Variants in ISM1 observed in about 807,000 individuals in gnomAD.
ISM1 encodes isthmin-1.
A neutral mutation model predicts 46.3 loss-of-function variants in ISM1; 25 were observed. The ratio of observed to expected loss-of-function variants is 0.54; its 90% CI spans 0.39 to 0.75. ISM1 has a LOEUF of 0.75. Among genes scored for constraint, ISM1 ranks in the 30% least tolerant of loss-of-function variants. The pLI is 0.00. For synonymous variants in ISM1, 255 were observed against 256.7 expected (o/e 0.99, Z 0.06); for missense variants, 536 against 625.4 (o/e 0.86, Z 1.52).
intron 1 of ISM1, among the ~76,000 whole-genome samples, chr20:13,230,751 A>G (rs1482957594): frequency 2.0e-5 from 3 of 152,012 alleles, no homozygotes; most frequent in African/African-American, 7.2e-5. Context: ...TTGTAGAAAA[A>G]AAAAGAAAAG....
the ISM1 span, among the ~76,000 whole-genome samples, chr20:13,311,098 GTGGGAGAATCACTT>G: frequency 9.2e-5 from 14 of 152,124 alleles, no homozygotes; most frequent in Non-Finnish European, 1.6e-4. Context: ...GGAGGCTGAG[GTGGGAGAATCACTT>G]GAACCCGGGA....
intron 3 of ISM1, among the ~76,000 whole-genome samples, chr20:13,284,700 G>C (rs2040272704): frequency 6.6e-6 from 1 of 152,220 alleles, no homozygotes; most frequent in Admixed American, 6.5e-5. Flanking sequence ...GAAAGCTTCA[G>C]GGGAGTGAGC....
At chr20:13,318,241 A>C in the ISM1 span, among the ~76,000 whole-genome samples, 61 of 152,316 alleles carry the variant, frequency 4.0e-4, no homozygotes, top group African/African-American at 1.3e-3. Context: ...AAGATATTTC[A>C]CATCATATGT....
Position 13,279,758 on chromosome 20 carries a change from T to C in ISM1, c.503T>C (p.Leu168Ser), listed in dbSNP as rs1460306752. 1.2e-6 allele frequency: 2 copies of C among 1,613,900 alleles called. No individual in the cohort carries two copies. Among genetic ancestry groups the C allele is most frequent in the Admixed American group, 3.3e-5 (2 of 60,004 alleles). Residue 168 changes from leucine to serine, a missense_variant, in exon 3 of 6, where the codon TTG becomes TCG. Leu to Ser is a moderately radical substitution (Grantham distance 145, BLOSUM62 -2). Transcript: ENST00000262487. Reference sequence around the variant, plus strand: ...GCCTGGTGGCAGAGGTCCCTGTCCTTGGCCAGGGCAAACAGCGGGGACCAG... The same window carrying C: ...GCCTGGTGGCAGAGGTCCCTGTCCTCGGCCAGGGCAAACAGCGGGGACCAG... The part of the protein sequence containing the change: ...WRAWWQRSLS[L>S]ARANSGDQDY...
chr20:13,247,559 TA>T (rs2039813969), intron 1 of ISM1, among the ~76,000 whole-genome samples: 1 of 140,872 alleles, frequency 7.1e-6, no homozygotes, highest in Middle Eastern at 3.7e-3. Context: ...TGTGTGTGTG[TA>T]GGTAGGTAGG....
chr20:13,296,686 C>T (rs1205212566), intron 5 of ISM1, among the ~76,000 whole-genome samples: 1 of 152,048 alleles, frequency 6.6e-6, no homozygotes, highest in Non-Finnish European at 1.5e-5. Context: ...AGTCCAGGGA[C>T]CTGGGTGAAG....
chr20:13,288,193 G>C (rs1811353038), intron 3 of ISM1, among the ~76,000 whole-genome samples: 2 of 152,208 alleles, frequency 1.3e-5, no homozygotes, highest in African/African-American at 4.8e-5. Context: ...ATGTCAATGA[G>C]AGGCTATAAG....
In ISM1 at chr20:13,299,224, A is replaced by ACGG. The variant is rs2123339300; in HGVS notation, c.1163_1165dup (p.Gly388dup). 2 of 1,600,866 alleles carry ACGG rather than the reference A, an allele frequency of 1.2e-6. No individual in the cohort carries two copies. The highest frequency in any genetic ancestry group is 4.5e-5 in the East Asian group (2 of 44,104). On this transcript the variant is annotated inframe_insertion, in exon 6 of 6. Transcript: ENST00000262487. This position sits in a 1 kb window ranked among gnomAD's most constrained non-coding sequence, Gnocchi z 5.8. ...ACGCTGGCGGCACAGCACTGCTGCT[A>ACGG]CGGCGACAACATGCAGCTCATCACC...
chr20:13,295,870 C>A (rs1224145416), intron 5 of ISM1, among the ~76,000 whole-genome samples: 7 of 152,210 alleles, frequency 4.6e-5, no homozygotes, highest in Admixed American at 1.3e-4. Flanking sequence ...AAGGTGCAAC[C>A]TGGAGGCTGC....
chr20:13,287,687 ATG>A (rs2040309045), intron 3 of ISM1, among the ~76,000 whole-genome samples: 2 of 152,146 alleles, frequency 1.3e-5, no homozygotes, highest in Non-Finnish European at 2.9e-5. Flanking sequence ...AGTGTATCTC[ATG>A]TACCAAGAAT....
At chr20:13,268,006 G>T (rs1324207105) in intron 1 of ISM1, among the ~76,000 whole-genome samples, 1 of 152,178 alleles carries the variant, frequency 6.6e-6, no homozygotes, top group Non-Finnish European at 1.5e-5. Context: ...TAGGGTTGGA[G>T]ATTAAGGGAA....
At chr20:13,224,794 A>T (rs1182124623) in intron 1 of ISM1, among the ~76,000 whole-genome samples, 1 of 149,816 alleles carries the variant, frequency 6.7e-6, no homozygotes, top group Non-Finnish European at 1.5e-5. Context: ...AGTGCCTTTT[A>T]TGTGGCAGGC....
the ISM1 span, among the ~76,000 whole-genome samples, chr20:13,316,227 G>A: frequency 6.6e-6 from 1 of 151,786 alleles, no homozygotes; most frequent in African/African-American, 2.4e-5. Flanking sequence ...AACACAATCT[G>A]CCAAAATTCA....
At chr20:13,289,385 C>T (rs544990817) in intron 4 of ISM1, among the ~76,000 whole-genome samples, 101 of 152,322 alleles carry the variant, frequency 6.6e-4, no homozygotes, top group Non-Finnish European at 9.4e-4. Context: ...TTGCCAAAGG[C>T]TCCCAGGAGC....
intron 4 of ISM1, among the ~76,000 whole-genome samples, chr20:13,289,079 T>C: frequency 6.6e-6 from 1 of 152,162 alleles, no homozygotes. Flanking sequence ...AGGCAAGATG[T>C]AACTACTTTT....
intron 1 of ISM1, among the ~76,000 whole-genome samples, chr20:13,225,852 A>G (rs562844761): frequency 6.6e-6 from 1 of 152,296 alleles, no homozygotes; most frequent in Non-Finnish European, 1.5e-5. Context: ...TATTTAATTA[A>G]TGTTAATGAT....
At chr20:13,318,912 G>T in the ISM1 span, among the ~76,000 whole-genome samples, 1 of 152,186 alleles carries the variant, frequency 6.6e-6, no homozygotes, top group South Asian at 2.1e-4. Flanking sequence ...ACACTTTCAG[G>T]ACAGTGAAAC....
chr20:13,274,737 CA>C (rs2040158926), intron 2 of ISM1, among the ~76,000 whole-genome samples: 3 of 148,776 alleles, frequency 2.0e-5, no homozygotes, highest in Admixed American at 6.9e-5. Flanking sequence ...AAAGCCCCAA[CA>C]CCTGCTTCTG....
At chr20:13,268,155 C>CTTCT (rs1456221859) in intron 1 of ISM1, among the ~76,000 whole-genome samples, 196 of 69,070 alleles carry the variant, frequency 2.8e-3, no homozygotes, top group African/African-American at 0.01. Context: ...TCTTCTCTTC[C>CTTCT]CTTCCCTTCT....
Sources: allele counts gnomAD v4.1 joint callset (sites outside exome capture counted in the v4.1 genomes callset), GRCh38; gene constraint gnomAD v4.1.1; non-coding constraint Gnocchi (gnomAD v3.1); transcripts MANE v1.5; gene names NCBI Gene and HGNC (gene_info 2026-07-23, HGNC 2026-07-21).